The following TMCC1 variants were observed in gnomAD, a reference collection of about 807,000 sequenced individuals.
TMCC1 encodes transmembrane and coiled-coil domain family 1.
TMCC1 carries 15 observed loss-of-function variants against 52.4 expected under a neutral mutation model. The observed-to-expected ratio is 0.29, with a 90% CI of 0.19 to 0.44. The LOEUF (loss-of-function observed/expected upper bound fraction) is 0.44. Ranked by LOEUF, TMCC1 falls within the 20% of genes least tolerant of loss-of-function variation. The pLI, the probability that TMCC1 is intolerant of heterozygous loss-of-function variation, is 1.00. For synonymous variants in TMCC1, 279 were observed against 301.9 expected (o/e 0.92, Z 0.79); for missense variants, 503 against 806.0 (o/e 0.62, Z 4.55).
intron 4 of TMCC1, among the ~76,000 whole-genome samples, chr3:129,721,768 C>T (rs547028518): frequency 4.6e-5 from 7 of 151,200 alleles, no homozygotes; most frequent in East Asian, 3.9e-4. Flanking sequence ...CCCAGCTACT[C>T]GTGAGGCTGA....
At chr3:129,684,218 C>T (rs1225193880) in intron 4 of TMCC1, among the ~76,000 whole-genome samples, 1 of 152,164 alleles carries the variant, frequency 6.6e-6, no homozygotes, top group Non-Finnish European at 1.5e-5. Context: ...ATCAATAAAA[C>T]TTGGATTCCA....
intron 4 of TMCC1, chr3:129,688,753 A>C: frequency 3.0e-6 from 3 of 985,320 alleles, no homozygotes; most frequent in Non-Finnish European, 3.6e-6. Context: ...GACTCTGAGA[A>C]TGGAGATCAC....
At chr3:129,847,242 T>G (rs1374877881) in intron 2 of TMCC1, 1 of 152,050 alleles carries the variant, frequency 6.6e-6, no homozygotes, top group African/African-American at 2.4e-5. Context: ...TAAGAGTGAG[T>G]TACATTAAAG....
At chr3:129,702,244 C>T (rs974425500) in intron 4 of TMCC1, among the ~76,000 whole-genome samples, 1 of 146,568 alleles carries the variant, frequency 6.8e-6, no homozygotes, top group African/African-American at 2.7e-5. Context: ...TACTGGTCCC[C>T]AATTGTTTTT....
chr3:129,691,162 G>A (rs1333877291), intron 4 of TMCC1, among the ~76,000 whole-genome samples: 2 of 152,226 alleles, frequency 1.3e-5, no homozygotes, highest in Non-Finnish European at 2.9e-5. Flanking sequence ...ACAGAAGAGT[G>A]ATAGATATCT....
chr3:129,701,569 G>A (rs2047839719), intron 4 of TMCC1, among the ~76,000 whole-genome samples: 3 of 152,218 alleles, frequency 2.0e-5, no homozygotes, highest in African/African-American at 7.2e-5. Context: ...AATAAGGCAA[G>A]TACTTTATTT....
intron 4 of TMCC1, among the ~76,000 whole-genome samples, chr3:129,797,356 T>C (rs1025286848): frequency 6.6e-6 from 1 of 150,762 alleles, no homozygotes; most frequent in African/African-American, 2.4e-5. Context: ...TATTTCATAA[T>C]ATCTCGGGAA....
chr3:129,785,546 A>G (rs2107735717), intron 4 of TMCC1, among the ~76,000 whole-genome samples: 1 of 149,388 alleles, frequency 6.7e-6, no homozygotes, highest in African/African-American at 2.5e-5. Context: ...TAGTTTCCTA[A>G]GTCTCAATAT....
At chr3:129,771,797 A>AGAAG (rs1553864007) in intron 4 of TMCC1, among the ~76,000 whole-genome samples, 24 of 86,890 alleles carry the variant, frequency 2.8e-4, no homozygotes, top group Admixed American at 2.0e-3. Flanking sequence ...AAAAAAAAAA[A>AGAAG]AAGAAGAAGA....
intron 2 of TMCC1, among the ~76,000 whole-genome samples, chr3:129,867,918 T>C (rs2060729973): frequency 6.6e-6 from 1 of 152,212 alleles, no homozygotes; most frequent in Non-Finnish European, 1.5e-5. Context: ...TTCTAACTTC[T>C]AGAAGAGTAA....
intron 4 of TMCC1, among the ~76,000 whole-genome samples, chr3:129,826,057 A>T (rs1057327241): frequency 6.6e-6 from 1 of 152,208 alleles, no homozygotes; most frequent in African/African-American, 2.4e-5. Context: ...TTTTAACATA[A>T]AAGTCTATAA....
At chr3:129,862,891 G>A (rs960720689) in intron 2 of TMCC1, among the ~76,000 whole-genome samples, 6 of 152,240 alleles carry the variant, frequency 3.9e-5, no homozygotes, top group African/African-American at 1.4e-4. Context: ...CTTGGATTAG[G>A]ATTTTATTAG....
At chr3:129,773,166 G>C (rs1282335731) in intron 4 of TMCC1, among the ~76,000 whole-genome samples, 1 of 152,154 alleles carries the variant, frequency 6.6e-6, no homozygotes, top group Non-Finnish European at 1.5e-5. Context: ...TCCCACAATG[G>C]AATACCATGC....
chr3:129,751,811 A>C (rs1405018390), intron 4 of TMCC1, among the ~76,000 whole-genome samples: 1 of 152,010 alleles, frequency 6.6e-6, no homozygotes, highest in Non-Finnish European at 1.5e-5. Context: ...CGCTCACCTC[A>C]GCCTCCCAAA....
At chr3:129,671,721 C>G (rs534350714) in intron 4 of TMCC1, among the ~76,000 whole-genome samples, 1 of 152,260 alleles carries the variant, frequency 6.6e-6, no homozygotes, top group South Asian at 2.1e-4. Context: ...ATTATGGTCA[C>G]CTAAATGTGT....
chr3:129,876,639 A>C (rs1445737778), intron 2 of TMCC1, among the ~76,000 whole-genome samples: 5 of 152,018 alleles, frequency 3.3e-5, no homozygotes, highest in Non-Finnish European at 2.9e-5. Flanking sequence ...ACAGAAAAAT[A>C]AATAAATAAA....
At chr3:129,785,673 T>C (rs1420098169) in intron 4 of TMCC1, among the ~76,000 whole-genome samples, 1 of 152,016 alleles carries the variant, frequency 6.6e-6, no homozygotes, top group Non-Finnish European at 1.5e-5. Context: ...CTTCAAATAA[T>C]TAGAAGACAG....
intron 4 of TMCC1, among the ~76,000 whole-genome samples, chr3:129,708,652 A>T (rs2048421186): frequency 6.6e-6 from 1 of 152,242 alleles, no homozygotes; most frequent in African/African-American, 2.4e-5. Flanking sequence ...TTTTTAGCCC[A>T]GGAATTAATG....
At chr3:129,759,585 G>GTTT (rs368094253) in intron 4 of TMCC1, among the ~76,000 whole-genome samples, 4 of 136,300 alleles carry the variant, frequency 2.9e-5, no homozygotes, top group Non-Finnish European at 4.6e-5. Context: ...ATTTTTGAGA[G>GTTT]TTTTTTTTTT....
Sources: allele counts gnomAD v4.1 joint callset (sites outside exome capture counted in the v4.1 genomes callset), GRCh38; gene constraint gnomAD v4.1.1; transcripts MANE v1.5; gene names NCBI Gene and HGNC (gene_info 2026-07-23, HGNC 2026-07-21).